The following CDKN2A variants were observed in gnomAD, a reference collection of about 807,000 sequenced individuals.
The protein encoded by CDKN2A is cyclin-dependent kinase inhibitor 2A.
Under a neutral mutation model 11.1 loss-of-function variants are expected in CDKN2A, and 3 were observed. The ratio of observed to expected loss-of-function variants is 0.27; its 90% CI spans 0.12 to 0.70. CDKN2A has a LOEUF of 0.70. Ranked by LOEUF, CDKN2A falls within the 30% of genes least tolerant of loss-of-function variation. CDKN2A has a pLI of 0.77. For synonymous variants in CDKN2A, 122 were observed against 108.1 expected, an observed-to-expected ratio of 1.13 and a Z score of -0.80; for missense variants, 265 against 233.6, an observed-to-expected ratio of 1.13 and a Z score of -0.88.
chr9:21,971,574 G>GTTTTTTTTTTTTTTTTT (rs1172457321), intron 1 of CDKN2A, among the ~76,000 whole-genome samples: 1 of 54,080 alleles, frequency 1.8e-5, no homozygotes, highest in African/African-American at 1.6e-4. Flanking sequence ...TAGGCCTGGA[G>GTTTTTTTTTTTTTTTTT]ATTTTTTTTT....
chr9:21,993,611 G>C (rs908501889), intron 2 of CDKN2A, among the ~76,000 whole-genome samples: 4 of 152,122 alleles, frequency 2.6e-5, no homozygotes, highest in African/African-American at 9.7e-5. Flanking sequence ...TACGATCCTT[G>C]TTAGCATTTC....
At position 21,988,494 on chromosome 9, in the gene CDKN2A, A is replaced by T. The variant is rs1475924122; in HGVS notation, c.-4+5388T>A. On this transcript the variant is annotated intron_variant, in intron 2 of 3. Transcript: ENST00000494262. The surrounding 1 kb of genome is among the most constrained non-coding windows in gnomAD (Gnocchi z 4.1). ...CAGGGCTCATGAATTAAATGAATGCACTGAGAGACACTGACAAGCACTGAG... is the reference window on the plus strand; with the variant it reads ...CAGGGCTCATGAATTAAATGAATGCTCTGAGAGACACTGACAAGCACTGAG... Among the ~76,000 whole-genome samples the T allele has an allele frequency of 6.6e-6, 1 of 152,096 alleles. No individual in the cohort carries two copies. The highest frequency in any genetic ancestry group is 2.4e-5 in the African/African-American group (1 of 41,416).
intron 2 of CDKN2A, among the ~76,000 whole-genome samples, chr9:21,985,089 A>G (rs191762847): frequency 4.3e-4 from 65 of 152,114 alleles, no homozygotes; most frequent in Middle Eastern, 3.4e-3. Flanking sequence ...AGCACTTTTC[A>G]CATACAGATT....
At chr9:21,983,911 G>A (rs1469411545) in intron 2 of CDKN2A, among the ~76,000 whole-genome samples, 1 of 151,918 alleles carries the variant, frequency 6.6e-6, no homozygotes, top group Non-Finnish European at 1.5e-5. Flanking sequence ...GCTTGAATAA[G>A]TTATGTAAAC....
chr9:21,975,178 C>T (rs896028701), upstream of CDKN2A: 43 of 1,141,872 alleles, frequency 3.8e-5, no homozygotes, highest in African/African-American at 9.7e-5. Flanking sequence ...CTCCTCCCCA[C>T]CTGCCCCCCA....
rs1354092060 is a variant in CDKN2A, at chr9:21,994,574, C to T, written c.-176+247G>A. 3.0e-6 allele frequency: 3 copies of T among 1,006,238 alleles called. No homozygotes were observed. The African/African-American group carries it at 5.3e-5, about 18-fold the overall frequency. The allele number at this position is 1,006,238 out of a possible 1,614,324, so 62.3% of individuals were successfully genotyped here. A position where few individuals can be genotyped will look rare whatever the true frequency, so the allele number is the denominator to read the frequency against. On this transcript the variant is annotated intron_variant, in intron 1 of 3. Coordinates refer to the CDKN2A transcript ENST00000494262. Reference sequence around the variant, plus strand: ...CCAAGATCTCGGAACGGCTCTGAGCCCTGCGCACGCGGGAAGGGCTGCCGG... The same window carrying T: ...CCAAGATCTCGGAACGGCTCTGAGCTCTGCGCACGCGGGAAGGGCTGCCGG...
rs151072730 is a variant in CDKN2A at position 21,987,921 on chromosome 9, C to A, written c.-4+5961G>T. ...TATTTAAAATGCAGATTTCTGGGAC[C>A]CACAGCAAATCTGAATCAAATTTTC... On this transcript the variant is annotated intron_variant, in intron 2 of 3. Coordinates refer to the CDKN2A transcript ENST00000494262. 5.8e-3 allele frequency among the ~76,000 whole-genome samples: 880 copies of A among 152,206 alleles called. 9 individuals are homozygous for A. Among genetic ancestry groups the A allele is most frequent in the African/African-American group, 0.02 (838 of 41,526 alleles).
chr9:21,976,704 G>A (rs1820042859), upstream of CDKN2A, among the ~76,000 whole-genome samples: 1 of 152,110 alleles, frequency 6.6e-6, no homozygotes, highest in Admixed American at 6.5e-5. Flanking sequence ...GGAGACAAGA[G>A]CGAAACTTGG....
intron 2 of CDKN2A, among the ~76,000 whole-genome samples, chr9:21,985,263 A>C (rs1587350383): frequency 6.6e-6 from 1 of 151,950 alleles, no homozygotes; most frequent in Admixed American, 6.6e-5. Flanking sequence ...AAAACCCCCA[A>C]GTCAATTTAG....
At chr9:21,989,742 C>A (rs963931983) in intron 2 of CDKN2A, 1 of 152,386 alleles carries the variant, frequency 6.6e-6, no homozygotes, top group East Asian at 1.9e-4. Flanking sequence ...AGTCCACTAA[C>A]CCCACTCAGA....
chr9:21,980,752 G>A (rs938492035), intron 2 of CDKN2A, among the ~76,000 whole-genome samples: 4 of 151,268 alleles, frequency 2.6e-5, no homozygotes, highest in Non-Finnish European at 5.9e-5. Flanking sequence ...GAGGTCAGGA[G>A]ATCTAGACCA....
Position 21,974,226 on chromosome 9 carries a change from ATATT to A in CDKN2A, c.150+448_150+451del, listed in dbSNP as rs1188349113. 1.3e-5 allele frequency among the ~76,000 whole-genome samples: 2 copies of A among 152,212 alleles called. No homozygotes were observed. The highest frequency in any genetic ancestry group is 4.8e-5 in the African/African-American group (2 of 41,456). ...TAATTTCGATCAAAATTTATATTCG[ATATT>A]TATTCCAACATACACCACAGATTTC... On this transcript the variant is annotated intron_variant, in intron 1 of 2. Transcript: ENST00000304494. This position sits in a 1 kb window ranked among gnomAD's most constrained non-coding sequence, Gnocchi z 5.2.
intron 2 of CDKN2A, among the ~76,000 whole-genome samples, chr9:21,990,869 A>G (rs1269317449): frequency 6.6e-6 from 1 of 152,230 alleles, no homozygotes; most frequent in Non-Finnish European, 1.5e-5. Context: ...CCTTAGGATG[A>G]TGCCTGAATA....
intron 1 of CDKN2A, chr9:21,994,378 T>C (rs1587358844): frequency 6.2e-7 from 1 of 1,607,710 alleles, no homozygotes; most frequent in Non-Finnish European, 8.5e-7. Flanking sequence ...TGCGCCGCCC[T>C]TTGGCACCAG....
intron 2 of CDKN2A, among the ~76,000 whole-genome samples, chr9:21,982,898 T>C (rs1048166419): frequency 6.6e-6 from 1 of 151,826 alleles, no homozygotes; most frequent in Non-Finnish European, 1.5e-5. Flanking sequence ...AGTGCTTAAG[T>C]AATAAGGAAA....
At chr9:21,987,453 A>G (rs1027314216) in intron 2 of CDKN2A, among the ~76,000 whole-genome samples, 214 of 149,078 alleles carry the variant, frequency 1.4e-3, no homozygotes, top group African/African-American at 5.1e-3. Context: ...AGAGAGAGAG[A>G]GAGATCCATT....
Position 21,968,476 on chromosome 9 carries a change from A to C in CDKN2A, c.458-234T>G, listed in dbSNP as rs1006642491. 3 of 1,466,704 alleles carry C rather than the reference A, an allele frequency of 2.0e-6. No individual in the cohort carries two copies. Among genetic ancestry groups the C allele is most frequent in the Non-Finnish European group, 2.7e-6 (3 of 1,115,748 alleles). The allele number at this position is 1,466,704 out of a possible 1,614,324, so 90.9% of individuals were successfully genotyped here. On this transcript the variant is annotated intron_variant, in intron 2 of 2. Coordinates refer to ENST00000304494, the MANE Select transcript of CDKN2A (RefSeq NM_000077.5). This position sits in a 1 kb window ranked among gnomAD's most constrained non-coding sequence, Gnocchi z 4.7. ...GGCGCGCCGACCGCTCAAGCGCTCC[A>C]GGTCCACCCGGCGGAGGGCAGAGAA...
upstream of CDKN2A, among the ~76,000 whole-genome samples, chr9:21,978,761 A>G (rs1820100955): frequency 6.6e-6 from 1 of 152,210 alleles, no homozygotes; most frequent in African/African-American, 2.4e-5. Flanking sequence ...CTCAGAAACT[A>G]AGGGCAGACA....
At chr9:21,969,878 T>C in intron 2 of CDKN2A, 1 of 397,942 alleles carries the variant, frequency 2.5e-6, no homozygotes, top group Non-Finnish European at 4.4e-6. Flanking sequence ...GATTTTGCGT[T>C]CTGTATTTAC....
Sources: allele counts gnomAD v4.1 joint callset (sites outside exome capture counted in the v4.1 genomes callset), GRCh38; gene constraint gnomAD v4.1.1; non-coding constraint Gnocchi (gnomAD v3.1); transcripts MANE v1.5; gene names NCBI Gene and HGNC (gene_info 2026-07-23, HGNC 2026-07-21).